The following KCNH7 variants were observed in gnomAD, a reference collection of about 807,000 sequenced individuals.
KCNH7 encodes the protein potassium voltage-gated channel subfamily H member 7.
A neutral mutation model predicts 120.8 loss-of-function variants in KCNH7; 49 were observed. That is an observed-to-expected ratio of 0.41 (90% CI 0.32 to 0.51). The LOEUF (loss-of-function observed/expected upper bound fraction) is 0.51. Ranked by LOEUF, KCNH7 falls within the 20% of genes least tolerant of loss-of-function variation. The pLI is 0.38. For missense variants in KCNH7, 1,097 were observed against 1,446.6 expected, an observed-to-expected ratio of 0.76 and a Z score of 3.92; for synonymous variants, 547 against 516.1, an observed-to-expected ratio of 1.06 and a Z score of -0.81.
chr2:162,744,565 G>T (rs1688246158), intron 2 of KCNH7, among the ~76,000 whole-genome samples: 2 of 138,262 alleles, frequency 1.4e-5, no homozygotes, highest in Admixed American at 7.6e-5. Flanking sequence ...CTAATTCACA[G>T]AACTTTTTTT....
chr2:162,669,783 T>TGAGG (rs1269042743), intron 2 of KCNH7, among the ~76,000 whole-genome samples: 4 of 152,114 alleles, frequency 2.6e-5, no homozygotes, highest in Non-Finnish European at 5.9e-5. Flanking sequence ...TCAATAGTGC[T>TGAGG]GAGGTAATGT....
rs1480647462 is a variant in KCNH7 at position 162,537,159 on chromosome 2, A to G, written c.308-79T>C. 11 of 1,087,620 alleles carry G rather than the reference A, an allele frequency of 1.0e-5. No individual in the cohort carries two copies. The East Asian group carries it at 2.5e-4, about 25-fold the overall frequency. The allele number at this position is 1,087,620 out of a possible 1,614,324, so 67.4% of individuals were successfully genotyped here. On this transcript the variant is annotated intron_variant, in intron 2 of 15. Coordinates refer to ENST00000332142, the MANE Select transcript of KCNH7 (RefSeq NM_033272.4). ...TCAAGTAACATTAAAATTGAAATAT[A>G]CTCTTAAGGAAATTTGTATCTTAAA...
intron 5 of KCNH7, among the ~76,000 whole-genome samples, chr2:162,511,030 T>G (rs572515317): frequency 6.6e-6 from 1 of 151,752 alleles, no homozygotes; most frequent in Non-Finnish European, 1.5e-5. Flanking sequence ...CTGACTTTGA[T>G]GATTCTACCA....
At chr2:162,407,347 C>A (rs1687259593) in intron 9 of KCNH7, among the ~76,000 whole-genome samples, 2 of 151,938 alleles carry the variant, frequency 1.3e-5, no homozygotes, top group African/African-American at 4.8e-5. Flanking sequence ...ACAGAATTAT[C>A]CTTCCTACTT....
chr2:162,443,186 C>G (rs923692234), intron 7 of KCNH7, among the ~76,000 whole-genome samples: 3 of 152,150 alleles, frequency 2.0e-5, no homozygotes, highest in Non-Finnish European at 2.9e-5. Flanking sequence ...AGAAGCTGAT[C>G]CAAACCAATC....
chr2:162,774,681 A>G (rs1163625394), intron 2 of KCNH7, among the ~76,000 whole-genome samples: 2 of 152,200 alleles, frequency 1.3e-5, no homozygotes, highest in Non-Finnish European at 2.9e-5. Flanking sequence ...ATTGCCCTCA[A>G]AACAAACTTT....
intron 2 of KCNH7, among the ~76,000 whole-genome samples, chr2:162,807,410 C>G (rs887073640): frequency 6.6e-6 from 1 of 151,894 alleles, no homozygotes; most frequent in Non-Finnish European, 1.5e-5. Context: ...GCCCTCCAGC[C>G]TAGGCAATAG....
chr2:162,543,504 G>A (rs544478289), intron 2 of KCNH7, among the ~76,000 whole-genome samples: 3 of 152,088 alleles, frequency 2.0e-5, no homozygotes, highest in Non-Finnish European at 4.4e-5. Flanking sequence ...TTCATGTTCT[G>A]CTGTGTGGCA....
chr2:162,835,877 C>T (rs1284557527), intron 2 of KCNH7, among the ~76,000 whole-genome samples: 1 of 152,088 alleles, frequency 6.6e-6, no homozygotes, highest in African/African-American at 2.4e-5. Flanking sequence ...GCCAGATTTG[C>T]TGTAGTTATA....
At chr2:162,531,602 T>G (rs868052545) in intron 3 of KCNH7, among the ~76,000 whole-genome samples, 1 of 151,990 alleles carries the variant, frequency 6.6e-6, no homozygotes. Context: ...TCATCAACTT[T>G]GGGATCAAGA....
At chr2:162,678,876 G>T (rs762298871) in intron 2 of KCNH7, among the ~76,000 whole-genome samples, 1 of 151,564 alleles carries the variant, frequency 6.6e-6, no homozygotes, top group Non-Finnish European at 1.5e-5. Context: ...AGAAAAGTCT[G>T]TTGCCTTGAG....
chr2:162,401,242 A>G (rs907188055), intron 9 of KCNH7, among the ~76,000 whole-genome samples: 1 of 151,892 alleles, frequency 6.6e-6, no homozygotes, highest in South Asian at 2.1e-4. Context: ...ATTATTTGCT[A>G]TTTTCATACA....
intron 13 of KCNH7, among the ~76,000 whole-genome samples, chr2:162,383,118 T>G (rs764983939): frequency 5.9e-5 from 9 of 151,902 alleles, no homozygotes; most frequent in Non-Finnish European, 2.9e-5. Context: ...CATTATAAAG[T>G]CAGAAAATCC....
At chr2:162,739,877 A>G (rs1208752079) in intron 2 of KCNH7, among the ~76,000 whole-genome samples, 1 of 150,700 alleles carries the variant, frequency 6.6e-6, no homozygotes, top group Non-Finnish European at 1.5e-5. Flanking sequence ...ATGGCAGTAC[A>G]TGAATGAGCA....
At chr2:162,662,224 C>T (rs758369358) in intron 2 of KCNH7, among the ~76,000 whole-genome samples, 1 of 152,062 alleles carries the variant, frequency 6.6e-6, no homozygotes, top group Non-Finnish European at 1.5e-5. Flanking sequence ...AATCGCGTCA[C>T]TGTACTCCAG....
At chr2:162,641,424 C>T (rs889792634) in intron 2 of KCNH7, among the ~76,000 whole-genome samples, 33 of 151,986 alleles carry the variant, frequency 2.2e-4, no homozygotes, top group African/African-American at 7.7e-4. Context: ...GTATGTGATT[C>T]CTAGGCCAGG....
intron 6 of KCNH7, among the ~76,000 whole-genome samples, chr2:162,451,885 A>G (rs1387204930): frequency 6.6e-6 from 1 of 152,046 alleles, no homozygotes; most frequent in African/African-American, 2.4e-5. Context: ...AAGTAGAAGC[A>G]GGCCAGCCCA....
chr2:162,614,204 C>T (rs1683065318), intron 2 of KCNH7, among the ~76,000 whole-genome samples: 1 of 151,810 alleles, frequency 6.6e-6, no homozygotes, highest in Admixed American at 6.6e-5. Flanking sequence ...TACTACAAAA[C>T]CATAATTTTG....
intron 5 of KCNH7, among the ~76,000 whole-genome samples, chr2:162,512,187 CT>C (rs1028689729): frequency 3.3e-5 from 5 of 151,720 alleles, no homozygotes; most frequent in Admixed American, 1.3e-4. Flanking sequence ...CTACAGTAAG[CT>C]GAAAACCATA....
Sources: gnomAD v4.1 joint callset for allele counts (sites outside exome capture counted in the v4.1 genomes callset) on GRCh38, gnomAD v4.1.1 for gene constraint, MANE v1.5 for transcripts, NCBI Gene and HGNC (gene_info 2026-07-23, HGNC 2026-07-21) for gene names.